Variants in PRDM12 observed in about 807,000 individuals in gnomAD.
PRDM12 encodes the protein PR/SET domain 12.
PRDM12 carries 17 observed loss-of-function variants against 29.6 expected under a neutral mutation model. That is an observed-to-expected ratio of 0.57 (90% confidence interval 0.39 to 0.86). The LOEUF (loss-of-function observed/expected upper bound fraction) is 0.86, where lower values mean the gene tolerates loss of function less well. Ranked by LOEUF, PRDM12 falls within the 40% of genes least tolerant of loss-of-function variation. PRDM12 has a pLI of 0.00. For synonymous variants in PRDM12, 231 were observed against 225.8 expected, an observed-to-expected ratio of 1.02 and a Z score of -0.21; for missense variants, 422 against 510.8, an observed-to-expected ratio of 0.83 and a Z score of 1.68.
chr9:130,671,628 T>A (rs1332686200), intron 3 of PRDM12, among the ~76,000 whole-genome samples: 2 of 152,162 alleles, frequency 1.3e-5, no homozygotes, highest in Middle Eastern at 3.2e-3. Context: ...CCAGATAAAT[T>A]GTGTGTCTGG....
At chr9:130,666,583 G>A (rs201760153) in intron 1 of PRDM12, 25 bp from the exon 2 acceptor site, 47 of 1,595,778 alleles carry the variant, frequency 2.9e-5, no homozygotes, top group Admixed American at 1.2e-4. Flanking sequence ...GGCTCTGACC[G>A]GTTTTCCTGG....
intron 4 of PRDM12, among the ~76,000 whole-genome samples, chr9:130,680,659 A>AT (rs767033169): frequency 0.053 from 3,793 of 72,038 alleles, 158 homozygotes; most frequent in Non-Finnish European, 0.055. Context: ...ATATATATAT[A>AT]TTTTTTTTTT....
At chr9:130,671,327 A>G (rs1165661264) in intron 3 of PRDM12, among the ~76,000 whole-genome samples, 1 of 151,340 alleles carries the variant, frequency 6.6e-6, no homozygotes, top group East Asian at 1.9e-4. Context: ...TGGGTGACAA[A>G]GTGAGACTCC....
At chr9:130,675,701 C>T (rs963460258) in intron 3 of PRDM12, among the ~76,000 whole-genome samples, 1 of 152,220 alleles carries the variant, frequency 6.6e-6, no homozygotes, top group African/African-American at 2.4e-5. Flanking sequence ...ACAGGCCCCA[C>T]GACGTGAGGC....
chr9:130,675,398 G>A (rs1350502676), intron 3 of PRDM12, among the ~76,000 whole-genome samples: 4 of 152,140 alleles, frequency 2.6e-5, no homozygotes, highest in Non-Finnish European at 2.9e-5. Context: ...GCATGAGGCT[G>A]GTGTCCTCGG....
chr9:130,680,659 A>ATATTTTTTTTTTTTTTTT, intron 4 of PRDM12, among the ~76,000 whole-genome samples: 1 of 72,200 alleles, frequency 1.4e-5, no homozygotes, highest in African/African-American at 7.8e-5. Context: ...ATATATATAT[A>ATATTTTTTTTTTTTTTTT]TTTTTTTTTT....
In PRDM12 at chr9:130,668,198, C is replaced by T. The variant is rs771446594; in HGVS notation, c.455C>T (p.Ala152Val). 1.2e-6 allele frequency: 2 copies of T among 1,614,096 alleles called. No individual in the cohort carries two copies. Among genetic ancestry groups the T allele is most frequent in the Non-Finnish European group, 1.7e-6 (2 of 1,180,016 alleles). The part of the protein sequence containing the change: ...EDGTVRYFID[A>V]SQEDHRSWMT... ...GGCACGGTGCGCTACTTCATCGATG[C>T]CAGCCAGGAGGACCACCGGAGCTGG... The change falls in exon 3 of 5, where the codon GCC becomes GTC. Residue 152 changes from alanine to valine, a missense_variant. Transcript: ENST00000253008. The surrounding 1 kb of genome is among the most constrained non-coding windows in gnomAD (Gnocchi z 4.0).
rs1410327797 is a variant in PRDM12 at position 130,666,686 on chromosome 9, GC to G, written c.303del (p.Ile102SerfsTer20). ...AQSSIPGEGLGIFSKTWIKAG... is the reference protein window; with the variant it reads ...AQSSIPGEGLXIFSKTWIKAG... Reference sequence around the variant, plus strand: ...AGCTCCATCCCTGGCGAGGGCCTCGGCATCTTCTCCAAGACGTGGATCAAGG... The same window carrying G: ...AGCTCCATCCCTGGCGAGGGCCTCGGATCTTCTCCAAGACGTGGATCAAGG... On this transcript the variant is annotated frameshift_variant, in exon 2 of 5. Transcript: ENST00000253008. LOFTEE classifies it high-confidence loss of function. 1 of 1,613,512 alleles carries G rather than the reference GC, an allele frequency of 6.2e-7. No individual in the cohort carries two copies. The highest frequency in any genetic ancestry group is 1.7e-5 in the Admixed American group (1 of 59,986).
At chr9:130,671,500 G>A (rs1830789254) in intron 3 of PRDM12, among the ~76,000 whole-genome samples, 1 of 152,114 alleles carries the variant, frequency 6.6e-6, no homozygotes, top group Admixed American at 6.5e-5. Flanking sequence ...CTAAGAAGGG[G>A]CTGTCTGCGT....
intron 3 of PRDM12, among the ~76,000 whole-genome samples, chr9:130,670,929 G>A (rs1830783560): frequency 6.6e-6 from 1 of 152,174 alleles, no homozygotes; most frequent in Admixed American, 6.5e-5. Context: ...CAGGAAACAT[G>A]AATAGACACT....
Position 130,682,030 on chromosome 9 carries a change from AG to A in PRDM12, c.*364del, listed in dbSNP as rs1232359667. The A allele has an allele frequency of 6.6e-6, 1 of 151,672 alleles. No homozygotes were observed. Among genetic ancestry groups the A allele is most frequent in the Non-Finnish European group, 1.5e-5 (1 of 67,952 alleles). The allele number at this position is 151,672 out of a possible 1,614,324, so 9.4% of individuals were successfully genotyped here. A position where few individuals can be genotyped will look rare whatever the true frequency, so the allele number is the denominator to read the frequency against. ...CAGGAGAGCGGACTTAGAGCCCCCG[AG>A]GGCCCCTCAGCAGAGGAAGGGGAGT... On this transcript the variant is annotated 3_prime_UTR_variant, in exon 5 of 5. Coordinates refer to ENST00000253008, the MANE Select transcript of PRDM12 (RefSeq NM_021619.3). This position sits in a 1 kb window ranked among gnomAD's most constrained non-coding sequence, Gnocchi z 4.2.
chr9:130,672,978 A>AGAGAAGCAC (rs1830803066), intron 3 of PRDM12, among the ~76,000 whole-genome samples: 1 of 152,236 alleles, frequency 6.6e-6, no homozygotes, highest in East Asian at 1.9e-4. Context: ...GGGCATGTCC[A>AGAGAAGCAC]TTTGTCAAAA....
chr9:130,677,403 G>C (rs1830853121), intron 3 of PRDM12, among the ~76,000 whole-genome samples: 1 of 152,208 alleles, frequency 6.6e-6, no homozygotes, highest in South Asian at 2.1e-4. Context: ...GCCAACGCGG[G>C]GTCCTGGCCT....
chr9:130,671,417 A>ACG (rs1830788714), intron 3 of PRDM12, among the ~76,000 whole-genome samples: 2 of 149,414 alleles, frequency 1.3e-5, no homozygotes, highest in Admixed American at 1.3e-4. Context: ...ACACACACAC[A>ACG]CTGTATCACA....
rs776439823 is a variant in PRDM12, at chr9:130,666,654, C to T, written c.270C>T (p.Ile90=). 3 of 1,613,080 alleles carry T rather than the reference C, an allele frequency of 1.9e-6. No homozygotes were observed. The African/African-American group carries it at 4.0e-5, about 22-fold the overall frequency. Residue 90 remains isoleucine, a synonymous_variant, in exon 2 of 5, where the codon ATC becomes ATT. Coordinates refer to ENST00000253008, the MANE Select transcript of PRDM12 (RefSeq NM_021619.3). ...TGGTGCTGCCTGCGGAGGTGATCAT[C>T]GCTCAGAGCTCCATCCCTGGCGAGG... The part of the protein sequence containing the change: ...SSLVLPAEVI[I]AQSSIPGEGL...
rs1039248518 is a variant in PRDM12, at chr9:130,681,281, C to T, written c.716C>T (p.Pro239Leu). The change falls in exon 5 of 5, where the codon CCC becomes CTC. Residue 239 changes from proline (P) to leucine (L), a missense_variant. By Grantham distance (98) the Pro-to-Leu change is moderately conservative. Transcript: ENST00000253008. This position sits in a 1 kb window ranked among gnomAD's most constrained non-coding sequence, Gnocchi z 8.1. Reference sequence around the variant, plus strand: ...CACCCGGCGGACTCGGCGGCTGGCCCCGCGGGCCGCATGCGATGCGTCATC... The same window carrying T: ...CACCCGGCGGACTCGGCGGCTGGCCTCGCGGGCCGCATGCGATGCGTCATC... The part of the protein sequence containing the change: ...DFHPADSAAG[P>L]AGRMRCVICH... 1.3e-6 allele frequency: 2 copies of T among 1,491,912 alleles called. No homozygotes were observed. Among genetic ancestry groups the T allele is most frequent in the African/African-American group, 2.9e-5 (2 of 70,154 alleles). 92.4% of individuals were successfully genotyped at this position (1,491,912 alleles called of 1,614,324 possible).
chr9:130,679,127 T>C (rs555979847), intron 4 of PRDM12, among the ~76,000 whole-genome samples: 3 of 152,008 alleles, frequency 2.0e-5, no homozygotes, highest in Non-Finnish European at 4.4e-5. Context: ...TGGCACAGAG[T>C]AGATGCTCCG....
chr9:130,668,449 C>T lies in PRDM12; in HGVS notation c.570+136C>T. On this transcript the variant is annotated intron_variant, in intron 3 of 4. Transcript: ENST00000253008. This position sits in a 1 kb window ranked among gnomAD's most constrained non-coding sequence, Gnocchi z 4.0. Reference sequence around the variant, plus strand: ...ACTGGCCTCGCTGGCTCTGCGCAGGCCATGGGGCTGTGGCAGACAGGTGGG... The same window carrying T: ...ACTGGCCTCGCTGGCTCTGCGCAGGTCATGGGGCTGTGGCAGACAGGTGGG... 2.9e-6 allele frequency: 4 copies of T among 1,400,642 alleles called. No homozygotes were observed. The highest frequency in any genetic ancestry group is 3.9e-6 in the Non-Finnish European group (4 of 1,026,458). 86.8% of individuals were successfully genotyped at this position (1,400,642 alleles called of 1,614,324 possible).
chr9:130,680,454 GA>G (rs1414213895), intron 4 of PRDM12, among the ~76,000 whole-genome samples: 1 of 151,406 alleles, frequency 6.6e-6, no homozygotes, highest in Non-Finnish European at 1.5e-5. Context: ...CCAACATGGT[GA>G]AACCCCGTCT....
Sources: gnomAD v4.1 joint callset for allele counts (sites outside exome capture counted in the v4.1 genomes callset) on GRCh38, gnomAD v4.1.1 for gene constraint, Gnocchi (gnomAD v3.1) non-coding constraint, MANE v1.5 for transcripts, NCBI Gene and HGNC (gene_info 2026-07-23, HGNC 2026-07-21) for gene names.